The following PISD variants were observed in gnomAD, a reference collection of about 807,000 sequenced individuals.
The protein encoded by PISD is phosphatidylserine decarboxylase.
In PISD, 31 loss-of-function variants were observed where a neutral mutation model predicts 43.5. The ratio of observed to expected loss-of-function variants is 0.71; its 90% CI spans 0.54 to 0.96. The LOEUF is 0.96. Among genes scored for constraint, PISD ranks in the 40% least tolerant of loss-of-function variants. The pLI is 0.00. For synonymous variants in PISD, 259 were observed against 228.7 expected (o/e 1.13, Z -1.20); for missense variants, 523 against 548.4 (o/e 0.95, Z 0.46).
At chr22:31,655,199 G>A (rs996066013) in intron 1 of PISD, among the ~76,000 whole-genome samples, 2 of 151,772 alleles carry the variant, frequency 1.3e-5, no homozygotes, top group Admixed American at 6.6e-5. Flanking sequence ...AAACTTCTAC[G>A]GTGTTAAGCC....
At chr22:31,625,489 C>T in intron 3 of PISD, 1 of 566,970 alleles carries the variant, frequency 1.8e-6, no homozygotes, top group Non-Finnish European at 3.2e-6. Flanking sequence ...GGCCTGGGAG[C>T]ACCAGGGTAG....
intron 3 of PISD, among the ~76,000 whole-genome samples, chr22:31,646,863 A>G (rs539381102): frequency 1.4e-4 from 22 of 152,174 alleles, no homozygotes; most frequent in Middle Eastern, 6.8e-3. Context: ...GTGATATAGT[A>G]CCGGAAAACT....
In PISD at chr22:31,662,185, T is replaced by C; in HGVS notation, c.24A>G (p.Arg8=). 2.5e-6 allele frequency: 4 copies of C among 1,605,676 alleles called. No individual in the cohort carries two copies. The highest frequency in any genetic ancestry group is 2.2e-5 in the East Asian group (1 of 44,870). ...CGACCCCGTGCAGTAATCCCAGACA[T>C]CGGTGCCCCACGGACGTCGCCATCT... MATSVGH[R]CLGLLHGVAP... The change falls in exon 1 of 8, where the codon CGA becomes CGG. Residue 8 remains arginine (R), a synonymous_variant. Coordinates refer to ENST00000439502, the MANE Select transcript of PISD (RefSeq NM_001326411.2).
intron 1 of PISD, among the ~76,000 whole-genome samples, chr22:31,660,494 A>G (rs1317886718): frequency 1.3e-5 from 2 of 151,892 alleles, no homozygotes; most frequent in Middle Eastern, 3.2e-3. Flanking sequence ...CTCCACCCCC[A>G]CCCCCAAAAA....
At chr22:31,652,892 A>G (rs1295854081) in intron 1 of PISD, among the ~76,000 whole-genome samples, 1 of 152,010 alleles carries the variant, frequency 6.6e-6, no homozygotes, top group Non-Finnish European at 1.5e-5. Context: ...TACAAAAATT[A>G]GCCGGGCATG....
intron 3 of PISD, among the ~76,000 whole-genome samples, chr22:31,635,040 C>T (rs528365565): frequency 1.3e-5 from 2 of 151,826 alleles, no homozygotes; most frequent in East Asian, 3.9e-4. Context: ...GTGGCACGCA[C>T]GTGTAATCCC....
chr22:31,637,204 T>TATATATATATATAC (rs1267117734), intron 3 of PISD, among the ~76,000 whole-genome samples: 2 of 95,790 alleles, frequency 2.1e-5, no homozygotes, highest in African/African-American at 8.7e-5. Flanking sequence ...TATATATATA[T>TATATATATATATAC]ATAGAAAAAT....
chr22:31,655,180 A>G (rs1433912401), intron 1 of PISD, among the ~76,000 whole-genome samples: 2 of 152,018 alleles, frequency 1.3e-5, no homozygotes, highest in African/African-American at 4.8e-5. Flanking sequence ...GCAGCTTTAC[A>G]AGAGTGAGAA....
In PISD at chr22:31,621,085, T is replaced by C. The variant is rs375668380; in HGVS notation, c.755A>G (p.Tyr252Cys). The change falls in exon 6 of 8, where the codon TAT becomes TGT. Residue 252 changes from tyrosine (Y) to cysteine (C), a missense_variant. Physicochemically the swap from Tyr to Cys is radical, Grantham distance 194. Transcript: ENST00000439502. ...QLVTREGNEL[Y>C]HCVIYLAPGD... is the part of the protein sequence containing the mutation. The stretch of plus-strand genomic sequence containing the variant: ...AGGGGCCAGGTAGATGACACAGTGA[T>C]AGAGCTCATTCCCTTCCCGGGTGAC... The C allele has an allele frequency of 3.1e-6, 5 of 1,613,950 alleles. No homozygotes were observed.
At chr22:31,629,611 G>A (rs1194974952) in intron 3 of PISD, 3 of 144,682 alleles carry the variant, frequency 2.1e-5, no homozygotes, top group Non-Finnish European at 4.5e-5. Flanking sequence ...GTGTGTAGGT[G>A]AGGGGGTGTG....
chr22:31,626,335 C>T (rs1244659300), intron 3 of PISD: 1 of 155,818 alleles, frequency 6.4e-6, no homozygotes, highest in Non-Finnish European at 1.4e-5. Context: ...CCCCGTGCTC[C>T]AGGCCCAGGC....
chr22:31,650,805 A>G, intron 1 of PISD, 27 bp from the exon 2 acceptor site: 1 of 1,385,212 alleles, frequency 7.2e-7, no homozygotes, highest in Non-Finnish European at 9.9e-7. Context: ...ATGAACCATT[A>G]AATATTATTC....
At chr22:31,651,031 T>C (rs979662427) in intron 1 of PISD, among the ~76,000 whole-genome samples, 1 of 152,200 alleles carries the variant, frequency 6.6e-6, no homozygotes, top group Admixed American at 6.5e-5. Flanking sequence ...TGCCGCAATC[T>C]TGGCTCACTC....
Position 31,662,133 on chromosome 22 carries a change from C to T in PISD, c.65+11G>A. The T allele has an allele frequency of 1.2e-6, 2 of 1,607,124 alleles. No homozygotes were observed. The highest frequency in any genetic ancestry group is 1.7e-6 in the Non-Finnish European group (2 of 1,179,034). ...CCCACGCCCCAAGGTAGTCTCTCCGCGCTGCTATACCTGCTCCGCCACGGC... is the reference window on the plus strand; with the variant it reads ...CCCACGCCCCAAGGTAGTCTCTCCGTGCTGCTATACCTGCTCCGCCACGGC... On this transcript the variant is annotated intron_variant, in intron 1 of 7. Transcript: ENST00000439502.
chr22:31,627,562 G>C (rs2072975982), intron 3 of PISD, among the ~76,000 whole-genome samples: 1 of 152,218 alleles, frequency 6.6e-6, no homozygotes, highest in Non-Finnish European at 1.5e-5. Flanking sequence ...TGGTTCCAAA[G>C]GGGAAGCTCT....
chr22:31,630,669 G>T lies in PISD; in HGVS notation c.322-8784C>A. 1.1e-6 allele frequency: 1 copy of T among 933,326 alleles called. No homozygotes were observed. The highest frequency in any genetic ancestry group is 1.3e-6 in the Non-Finnish European group (1 of 782,086). The allele number at this position is 933,326 out of a possible 1,614,324, so 57.8% of individuals were successfully genotyped here. A position where few individuals can be genotyped will look rare whatever the true frequency, so the allele number is the denominator to read the frequency against. On this transcript the variant is annotated intron_variant, in intron 3 of 7. Coordinates refer to ENST00000439502, the MANE Select transcript of PISD (RefSeq NM_001326411.2). The surrounding 1 kb of genome is among the most constrained non-coding windows in gnomAD (Gnocchi z 4.4). ...GGGCCGCGTCGTCACAGCTGGGAGA[G>T]CCCACCTGCGACCGAAGGCCCTAGA...
At chr22:31,635,417 C>T (rs1238337009) in intron 3 of PISD, among the ~76,000 whole-genome samples, 1 of 152,068 alleles carries the variant, frequency 6.6e-6, no homozygotes, top group Non-Finnish European at 1.5e-5. Flanking sequence ...ATTCTCATGC[C>T]TCAGCCTCCC....
chr22:31,619,908 G>GA (rs1421990580), intron 7 of PISD, 72 bp from the exon 8 acceptor site: 56 of 970,878 alleles, frequency 5.8e-5, no homozygotes, highest in African/African-American at 1.1e-4. Context: ...CATGTGTTTG[G>GA]AGTCCCACTC....
At chr22:31,631,935 G>A (rs2073223559) in intron 3 of PISD, among the ~76,000 whole-genome samples, 1 of 152,194 alleles carries the variant, frequency 6.6e-6, no homozygotes, top group Non-Finnish European at 1.5e-5. Context: ...ACTAAGGCAT[G>A]AAGGCTCATG....
Sources: gnomAD v4.1 joint callset for allele counts (sites outside exome capture counted in the v4.1 genomes callset) on GRCh38, gnomAD v4.1.1 for gene constraint, Gnocchi (gnomAD v3.1) non-coding constraint, MANE v1.5 for transcripts, NCBI Gene and HGNC (gene_info 2026-07-23, HGNC 2026-07-21) for gene names.